Variants in PARD3 observed in about 807,000 individuals in gnomAD.
PARD3 encodes the protein partitioning defective 3 homolog.
Under a neutral mutation model 155.4 loss-of-function variants are expected in PARD3, and 75 were observed. That is an observed-to-expected ratio of 0.48 (90% CI 0.40 to 0.58). The LOEUF (loss-of-function observed/expected upper bound fraction) is 0.58. Among genes scored for constraint, PARD3 ranks in the 20% least tolerant of loss-of-function variants. The probability of loss-of-function intolerance (pLI) is 0.00; values close to 1 mark genes in which losing one functional copy is unlikely to be tolerated. For missense variants in PARD3, 1,642 were observed against 1,721.7 expected (o/e 0.95, Z 0.82); for synonymous variants, 576 against 610.5 (o/e 0.94, Z 0.83).
intron 22 of PARD3, among the ~76,000 whole-genome samples, chr10:34,252,187 G>C (rs1366654605): frequency 6.6e-6 from 1 of 152,132 alleles, no homozygotes; most frequent in African/African-American, 2.4e-5. Flanking sequence ...CAGTCACTGC[G>C]TGGTGGTGCT....
chr10:34,478,420 T>A (rs1171471302), intron 3 of PARD3, among the ~76,000 whole-genome samples: 1 of 152,214 alleles, frequency 6.6e-6, no homozygotes. Flanking sequence ...TATGTTGCAC[T>A]TGAAACAACA....
At chr10:34,124,604 CT>C (rs1947178388) in intron 23 of PARD3, among the ~76,000 whole-genome samples, 1 of 152,174 alleles carries the variant, frequency 6.6e-6, no homozygotes, top group Non-Finnish European at 1.5e-5. Context: ...AATTATGTAA[CT>C]ATTGACTGAA....
chr10:34,363,209 G>C (rs1839623527), intron 12 of PARD3, among the ~76,000 whole-genome samples: 1 of 152,156 alleles, frequency 6.6e-6, no homozygotes, highest in Non-Finnish European at 1.5e-5. Context: ...CTACTTGAAA[G>C]ATCAGGATAA....
chr10:34,528,470 C>T (rs2082622390), intron 2 of PARD3, among the ~76,000 whole-genome samples: 1 of 152,220 alleles, frequency 6.6e-6, no homozygotes, highest in Non-Finnish European at 1.5e-5. Context: ...CCTCAAACAA[C>T]TCACCAGCTG....
In PARD3 at chr10:34,608,588, G is replaced by A. The variant is rs184983616; in HGVS notation, c.222+87730C>T. ...CTCACTCTGTCACCCAGGCTGGAGT[G>A]CAATGGCCCGATCTTGGCTCACTGC... On this transcript the variant is annotated intron_variant, in intron 2 of 24. Coordinates refer to ENST00000374788, the MANE Select transcript of PARD3 (RefSeq NM_001184785.2). Among the ~76,000 whole-genome samples the A allele has an allele frequency of 6.1e-4, 89 of 145,854 alleles. 1 individual carries two copies. Among genetic ancestry groups the A allele is most frequent in the African/African-American group, 2.2e-3 (87 of 38,756 alleles).
At chr10:34,291,801 C>T (rs1211902264) in intron 20 of PARD3, among the ~76,000 whole-genome samples, 1 of 152,232 alleles carries the variant, frequency 6.6e-6, no homozygotes, top group Non-Finnish European at 1.5e-5. Flanking sequence ...AATCCCAACA[C>T]TTTGCGAGGC....
In PARD3 at chr10:34,110,979, A is replaced by T; in HGVS notation, c.*190T>A. 1.9e-6 allele frequency: 1 copy of T among 532,344 alleles called. No individual in the cohort carries two copies. 33.0% of individuals were successfully genotyped at this position (532,344 alleles called of 1,614,324 possible). On this transcript the variant is annotated 3_prime_UTR_variant, in exon 25 of 25. Coordinates refer to ENST00000374788, the MANE Select transcript of PARD3 (RefSeq NM_001184785.2). ...AGGGTGGGAAATCCTTCCATGAAAC[A>T]GACACTTGAGACATAGTGGCAAAGA...
chr10:34,451,171 T>G (rs2077035136), intron 4 of PARD3, among the ~76,000 whole-genome samples: 1 of 152,214 alleles, frequency 6.6e-6, no homozygotes, highest in Admixed American at 6.5e-5. Context: ...TTCTTTCAGA[T>G]AAAAAATTAT....
intron 21 of PARD3, among the ~76,000 whole-genome samples, chr10:34,270,872 C>T (rs1347498574): frequency 6.6e-6 from 1 of 152,164 alleles, no homozygotes; most frequent in East Asian, 1.9e-4. Flanking sequence ...CTCACCTTTA[C>T]TGAAGTTACG....
chr10:34,577,884 C>T (rs561469186), intron 2 of PARD3, among the ~76,000 whole-genome samples: 1 of 151,180 alleles, frequency 6.6e-6, no homozygotes, highest in Non-Finnish European at 1.5e-5. Flanking sequence ...AGGGGTCTCA[C>T]TCTGTCAACC....
intron 2 of PARD3, among the ~76,000 whole-genome samples, chr10:34,681,854 C>G (rs1379007844): frequency 7.5e-6 from 1 of 133,362 alleles, no homozygotes; most frequent in Non-Finnish European, 1.6e-5. Flanking sequence ...CTCCTGGGCT[C>G]AAGCAGACCT....
chr10:34,709,617 G>C (rs1259379523), intron 1 of PARD3, among the ~76,000 whole-genome samples: 1 of 151,998 alleles, frequency 6.6e-6, no homozygotes, highest in Non-Finnish European at 1.5e-5. Flanking sequence ...GGGCTGAGGG[G>C]ATAAGGGGAG....
intron 2 of PARD3, among the ~76,000 whole-genome samples, chr10:34,617,429 A>C (rs1236175467): frequency 1.3e-5 from 2 of 152,138 alleles, no homozygotes. Flanking sequence ...TGTAGGGTGA[A>C]AACAAATACT....
Position 34,227,079 on chromosome 10 carries a change from A to G in PARD3, c.3419+42578T>C, listed in dbSNP as rs146639422. ...GAAACTATCAACAGAGTAAACACACAACCTACAGAATGGGAAAAAATACTT... is the reference window on the plus strand; with the variant it reads ...GAAACTATCAACAGAGTAAACACACGACCTACAGAATGGGAAAAAATACTT... On this transcript the variant is annotated intron_variant, in intron 22 of 24. Coordinates refer to ENST00000374788, the MANE Select transcript of PARD3 (RefSeq NM_001184785.2). Among the ~76,000 whole-genome samples the G allele has an allele frequency of 5.8e-3, 880 of 152,338 alleles. 8 individuals are homozygous for G. The highest frequency in any genetic ancestry group is 0.02 in the African/African-American group (818 of 41,580).
chr10:34,238,007 A>C (rs1332485134), intron 22 of PARD3, among the ~76,000 whole-genome samples: 1 of 152,190 alleles, frequency 6.6e-6, no homozygotes, highest in Non-Finnish European at 1.5e-5. Context: ...GCCAATAGGA[A>C]AATCTAGATG....
In PARD3 at chr10:34,333,614, A is replaced by G. The variant is rs139408594; in HGVS notation, c.2606-2270T>C. 6.6e-5 allele frequency among the ~76,000 whole-genome samples: 10 copies of G among 152,198 alleles called. No individual in the cohort carries two copies. The East Asian group carries it at 1.7e-3, about 26-fold the overall frequency. ...TTATACAAAATGTCAATTATCTACAACTTCTGAACCTGTAACACAGATCAG... is the reference window on the plus strand; with the variant it reads ...TTATACAAAATGTCAATTATCTACAGCTTCTGAACCTGTAACACAGATCAG... On this transcript the variant is annotated intron_variant, in intron 18 of 24. Coordinates refer to ENST00000374788, the MANE Select transcript of PARD3 (RefSeq NM_001184785.2).
chr10:34,112,704 C>T (rs11009644), intron 24 of PARD3, among the ~76,000 whole-genome samples: 35,524 of 152,168 alleles, frequency 0.23, 4,334 homozygotes, highest in Middle Eastern at 0.3. Flanking sequence ...CTGCATCTCC[C>T]GCAGGAATGA....
chr10:34,319,078 C>CTT (rs34948436), intron 19 of PARD3, among the ~76,000 whole-genome samples: 84 of 114,526 alleles, frequency 7.3e-4, no homozygotes, highest in East Asian at 1.1e-3. Context: ...TGCACCCAGA[C>CTT]TTTTTTTTTT....
At chr10:34,139,983 T>C (rs564060757) in intron 22 of PARD3, among the ~76,000 whole-genome samples, 13 of 152,200 alleles carry the variant, frequency 8.5e-5, no homozygotes, top group Non-Finnish European at 1.5e-4. Flanking sequence ...TCTAGATAAA[T>C]AGTTCTAATC....
Sources: gnomAD v4.1 joint callset for allele counts (sites outside exome capture counted in the v4.1 genomes callset) on GRCh38, gnomAD v4.1.1 for gene constraint, MANE v1.5 for transcripts, NCBI Gene and HGNC (gene_info 2026-07-23, HGNC 2026-07-21) for gene names.